RBSN: variants seen among roughly 807,000 people sequenced by gnomAD.
RBSN encodes rabenosyn, RAB effector.
A neutral mutation model predicts 60.5 loss-of-function variants in RBSN; 34 were observed. The observed-to-expected ratio is 0.56, with a 90% CI of 0.43 to 0.75. RBSN has a LOEUF of 0.75. Among genes scored for constraint, RBSN ranks in the 30% least tolerant of loss-of-function variants. The pLI is 0.00. For missense variants in RBSN, 845 were observed against 986.8 expected (o/e 0.86, Z 1.92); for synonymous variants, 322 against 366.9 (o/e 0.88, Z 1.40).
rs2043034180 is a variant in RBSN at position 15,075,627 on chromosome 3, C to T, written c.1185G>A (p.Arg395=). The T allele has an allele frequency of 1.9e-6, 3 of 1,614,188 alleles. No homozygotes were observed. The Admixed American group carries it at 5.0e-5, about 27-fold the overall frequency. The change falls in exon 13 of 14, where the codon AGG becomes AGA. Residue 395 remains arginine, a synonymous_variant. Transcript: ENST00000253699. Reference sequence around the variant, plus strand: ...TCACTTGTCTCTCCACGGCCCTCTTCCTCTCCATTTCCTCCTTCCTTTTCT... The same window carrying T: ...TCACTTGTCTCTCCACGGCCCTCTTTCTCTCCATTTCCTCCTTCCTTTTCT... ...LKKKRKEEME[R]KRAVERQAAL...
chr3:15,074,483 T>G lies in RBSN; in HGVS notation c.1654A>C (p.Arg552=). 6.2e-7 allele frequency: 1 copy of G among 1,614,216 alleles called. No individual in the cohort carries two copies. Among genetic ancestry groups the G allele is most frequent in the Non-Finnish European group, 8.5e-7 (1 of 1,180,040 alleles). The change falls in exon 14 of 14, where the codon AGA becomes CGA. Residue 552 remains arginine, a synonymous_variant. Coordinates refer to ENST00000253699, the MANE Select transcript of RBSN (RefSeq NM_022340.4). This position sits in a 1 kb window ranked among gnomAD's most constrained non-coding sequence, Gnocchi z 6.4. The stretch of plus-strand genomic sequence containing the variant: ...TCCAGCTGAAAAGGGCCGATTTCTC[T>G]GAAGTCCAGGGACCGAGTCCGTGTG... ...LHTRTRSLDF[R]EIGPFQLEPS... is the part of the protein sequence containing the mutation.
At chr3:15,075,754 G>A (rs1466092633) in intron 12 of RBSN, 44 bp from the exon 13 acceptor site, 1 of 1,521,532 alleles carries the variant, frequency 6.6e-7, no homozygotes, top group Non-Finnish European at 9.1e-7. Context: ...CCCTTTTAGA[G>A]AAAAAATGAA....
rs1490076194 is a variant in RBSN at position 15,074,689 on chromosome 3, C to T, written c.1448G>A (p.Arg483His). 4.3e-6 allele frequency: 7 copies of T among 1,614,126 alleles called. No homozygotes were observed. Among genetic ancestry groups the T allele is most frequent in the Admixed American group, 1.7e-5 (1 of 60,012 alleles). Residue 483 changes from arginine to histidine, a missense_variant, in exon 14 of 14, where the codon CGC becomes CAC. Physicochemically the swap from Arg to His is conservative, Grantham distance 29. Transcript: ENST00000253699. This position sits in a 1 kb window ranked among gnomAD's most constrained non-coding sequence, Gnocchi z 6.4. The stretch of plus-strand genomic sequence containing the variant: ...CTGCCGCAGGTTCTCCTGCAGAGTG[C>T]GCACTTCATCCATGCGGCCCGCGGC... ...AKAAGRMDEV[R>H]TLQENLRQLQ...
At chr3:15,090,643 T>C in intron 4 of RBSN, 104 bp from the exon 5 acceptor site, 1 of 1,472,628 alleles carries the variant, frequency 6.8e-7, no homozygotes, top group Non-Finnish European at 9.1e-7. Context: ...TTATCGTTTG[T>C]TTAAAAATGC....
intron 5 of RBSN, among the ~76,000 whole-genome samples, chr3:15,086,564 T>C (rs1161827365): frequency 6.6e-6 from 1 of 152,244 alleles, no homozygotes; most frequent in Non-Finnish European, 1.5e-5. Context: ...TGGTATCTAC[T>C]TCACAGAGTT....
Position 15,080,631 on chromosome 3 carries a change from C to T in RBSN, c.911+101G>A, listed in dbSNP as rs765432094. The T allele has an allele frequency of 1.8e-5, 21 of 1,197,702 alleles. No individual in the cohort carries two copies. The African/African-American group carries it at 1.8e-4, about 11-fold the overall frequency. 74.2% of individuals were successfully genotyped at this position (1,197,702 alleles called of 1,614,324 possible). On this transcript the variant is annotated intron_variant, in intron 10 of 13. Transcript: ENST00000253699. ...TTCAGCTGGTCTCAGAAAAAAAGCA[C>T]GGTTGAAGTTAAGATTTTCATTTTT...
chr3:15,073,783 C>A lies in RBSN; in HGVS notation c.2354G>T (p.Ter785LeuextTer33). The A allele has an allele frequency of 6.3e-7, 1 of 1,596,776 alleles. No homozygotes were observed. Among genetic ancestry groups the A allele is most frequent in the South Asian group, 1.1e-5 (1 of 87,850 alleles). ...TLAKQKGGTD[*>L] ...CAAAGGTGCCCTCTCCACTGCTGGTCAGTCAGTGCCCCCCTTCTGCTTGGC... is the reference window on the plus strand; with the variant it reads ...CAAAGGTGCCCTCTCCACTGCTGGTAAGTCAGTGCCCCCCTTCTGCTTGGC... Residue 785 changes from the stop codon to leucine (L), a stop_lost, in exon 14 of 14, where the codon TGA becomes TTA. Coordinates refer to ENST00000253699, the MANE Select transcript of RBSN (RefSeq NM_022340.4).
intron 4 of RBSN, among the ~76,000 whole-genome samples, chr3:15,091,848 C>A (rs2043525007): frequency 6.6e-6 from 1 of 152,188 alleles, no homozygotes; most frequent in African/African-American, 2.4e-5. Context: ...GTGCAGAGAA[C>A]CACCTGTTAA....
intron 6 of RBSN, among the ~76,000 whole-genome samples, chr3:15,085,606 C>T (rs1425388022): frequency 1.3e-5 from 2 of 152,164 alleles, no homozygotes; most frequent in East Asian, 1.9e-4. Context: ...GGTTTTCCAG[C>T]ACCTGAGTGG....
chr3:15,074,904 A>C lies in RBSN; in HGVS notation c.1233T>G (p.Leu411=). The change falls in exon 14 of 14, where the codon CTT becomes CTG. Residue 411 remains leucine, a synonymous_variant. Coordinates refer to ENST00000253699, the MANE Select transcript of RBSN (RefSeq NM_022340.4). This position sits in a 1 kb window ranked among gnomAD's most constrained non-coding sequence, Gnocchi z 6.4. The part of the protein sequence containing the change: ...RQAALESQRR[L]EERQSGLASR... Reference sequence around the variant, plus strand: ...AAGCCAGGCCACTCTGCCTTTCCTCAAGCCTTCGCTGGGACTCCAGGGCAG... The same window carrying C: ...AAGCCAGGCCACTCTGCCTTTCCTCCAGCCTTCGCTGGGACTCCAGGGCAG... The C allele has an allele frequency of 1.2e-6, 2 of 1,612,344 alleles. No homozygotes were observed. The highest frequency in any genetic ancestry group is 2.2e-5 in the South Asian group (2 of 91,012).
chr3:15,077,645 C>T lies in RBSN; in HGVS notation c.998+430G>A, dbSNP rs1039101533. ...TAATTTAACCCCAATGGCCAGTCCA[C>T]AGTTAAAAAGCAGCTGTGGACTTGA... On this transcript the variant is annotated intron_variant, in intron 11 of 13. Coordinates refer to ENST00000253699, the MANE Select transcript of RBSN (RefSeq NM_022340.4). This position sits in a 1 kb window ranked among gnomAD's most constrained non-coding sequence, Gnocchi z 4.4. Among the ~76,000 whole-genome samples the T allele has an allele frequency of 6.6e-6, 1 of 152,152 alleles. No individual in the cohort carries two copies. The highest frequency in any genetic ancestry group is 1.5e-5 in the Non-Finnish European group (1 of 68,042).
chr3:15,093,870 T>TA (rs1028961822), intron 4 of RBSN, among the ~76,000 whole-genome samples: 2 of 151,708 alleles, frequency 1.3e-5, no homozygotes, highest in Non-Finnish European at 2.9e-5. Context: ...CCCAGCTAAT[T>TA]AAAAAAAATT....
At chr3:15,094,460 C>T (rs1445464208) in intron 4 of RBSN, among the ~76,000 whole-genome samples, 2 of 152,168 alleles carry the variant, frequency 1.3e-5, no homozygotes, top group East Asian at 1.9e-4. Context: ...CCTGTGTGAC[C>T]GTGGATAAGT....
intron 5 of RBSN, 154 bp from the exon 6 acceptor site, chr3:15,086,115 TAGTC>T (rs2043333996): frequency 2.3e-5 from 9 of 399,402 alleles, no homozygotes; most frequent in Admixed American, 8.4e-5. Flanking sequence ...AAAAAAAAAA[TAGTC>T]AGGCATGGGT....
chr3:15,072,688 A>C lies in RBSN; in HGVS notation c.*1094T>G, dbSNP rs2042948303. On this transcript the variant is annotated 3_prime_UTR_variant, in exon 14 of 14. Transcript: ENST00000253699. ...GGTGGGGAAACTCTTCTCACAAATAATACTAATATCAACCAAAAAGTTAAC... is the reference window on the plus strand; with the variant it reads ...GGTGGGGAAACTCTTCTCACAAATACTACTAATATCAACCAAAAAGTTAAC... 1.3e-5 allele frequency: 2 copies of C among 152,154 alleles called. No individual in the cohort carries two copies. Among genetic ancestry groups the C allele is most frequent in the African/African-American group, 4.8e-5 (2 of 41,430 alleles). 9.4% of individuals were successfully genotyped at this position (152,154 alleles called of 1,614,324 possible). A position where few individuals can be genotyped will look rare whatever the true frequency, so the allele number is the denominator to read the frequency against.
At chr3:15,076,314 T>C (rs2043052321) in intron 12 of RBSN, among the ~76,000 whole-genome samples, 1 of 152,150 alleles carries the variant, frequency 6.6e-6, no homozygotes, top group Non-Finnish European at 1.5e-5. Context: ...TTAGATCTCT[T>C]TGTTGGCTGG....
Position 15,071,859 on chromosome 3 carries a change from T to C in RBSN, c.*1923A>G, listed in dbSNP as rs1263661925. On this transcript the variant is annotated 3_prime_UTR_variant, in exon 14 of 14. Transcript: ENST00000253699. ...TAAAGTGACTAGTGGTCAGTTATTG[T>C]TCATTAGTTCAGATGAGTAACTGCA... 1 of 152,654 alleles carries C rather than the reference T, an allele frequency of 6.6e-6. No individual in the cohort carries two copies. Among genetic ancestry groups the C allele is most frequent in the Admixed American group, 6.5e-5 (1 of 15,286 alleles). 9.5% of individuals were successfully genotyped at this position (152,654 alleles called of 1,614,324 possible). A position where few individuals can be genotyped will look rare whatever the true frequency, so the allele number is the denominator to read the frequency against.
intron 5 of RBSN, chr3:15,086,254 C>A (rs1338490353): frequency 1.4e-5 from 4 of 277,840 alleles, no homozygotes; most frequent in Non-Finnish European, 2.7e-5. Flanking sequence ...CAGAGTGAGA[C>A]CAACTTCAGA....
chr3:15,094,162 C>T (rs74969952), intron 4 of RBSN, among the ~76,000 whole-genome samples: 5,585 of 152,308 alleles, frequency 0.037, 358 homozygotes, highest in African/African-American at 0.13. Context: ...TCTAACCTCT[C>T]TACCCACTGG....
Sources: gnomAD v4.1 joint callset for allele counts (sites outside exome capture counted in the v4.1 genomes callset) on GRCh38, gnomAD v4.1.1 for gene constraint, Gnocchi (gnomAD v3.1) non-coding constraint, MANE v1.5 for transcripts, NCBI Gene and HGNC (gene_info 2026-07-23, HGNC 2026-07-21) for gene names.